The following HTR3B variants were observed in gnomAD, a reference collection of about 807,000 sequenced individuals.
HTR3B encodes 5-hydroxytryptamine receptor 3B, also known as 5-hydroxytryptamine (serotonin) receptor 3B, ionotropic.
Under a neutral mutation model 42.8 loss-of-function variants are expected in HTR3B, and 44 were observed. The ratio of observed to expected loss-of-function variants is 1.03; its 90% confidence interval spans 0.81 to 1.32. HTR3B has a LOEUF of 1.32. Ranked by LOEUF, HTR3B falls within the 40% of genes most tolerant of loss-of-function variation. The pLI is 0.00. For missense variants in HTR3B, 527 were observed against 536.5 expected, an observed-to-expected ratio of 0.98 and a Z score of 0.17; for synonymous variants, 203 against 209.0, an observed-to-expected ratio of 0.97 and a Z score of 0.25.
In HTR3B at chr11:113,947,109, C is replaced by CTTT. The variant is rs538527578; in HGVS notation, c.*983_*985dup. 6.9e-6 allele frequency among the ~76,000 whole-genome samples: 1 copy of CTTT among 145,378 alleles called. No homozygotes were observed. The highest frequency in any genetic ancestry group is 2.5e-5 in the African/African-American group (1 of 39,898). Reference sequence around the variant, plus strand: ...GGAGAGAACCCAGGTGCCAAGGCTTCTTTTTTTTTTTTTGAGGCAGAGTCT... The same window carrying CTTT: ...GGAGAGAACCCAGGTGCCAAGGCTTCTTTTTTTTTTTTTTTTGAGGCAGAGTCT... On this transcript the variant is annotated 3_prime_UTR_variant, in exon 9 of 9. Transcript: ENST00000260191.
At chr11:113,900,003 A>T (rs1443469967), upstream of HTR3B, among the ~76,000 whole-genome samples, 1 of 152,194 alleles carries the variant, frequency 6.6e-6, no homozygotes, top group African/African-American at 2.4e-5. Context: ...GAGGTGGCTT[A>T]CACCTGTAAT....
intron 1 of HTR3B, among the ~76,000 whole-genome samples, chr11:113,908,824 T>G (rs1307249211): frequency 1.3e-5 from 2 of 152,114 alleles, no homozygotes; most frequent in Non-Finnish European, 2.9e-5. Flanking sequence ...TCTATACAAG[T>G]TTTTTGGGTT....
intron 2 of HTR3B, 41 bp downstream of exon 2, chr11:113,909,496 T>C: frequency 6.4e-7 from 1 of 1,556,962 alleles, no homozygotes; most frequent in Non-Finnish European, 8.8e-7. Context: ...GTTAACGTCT[T>C]TTGAAACAGT....
intron 2 of HTR3B, among the ~76,000 whole-genome samples, chr11:113,926,928 A>G (rs1949981678): frequency 6.6e-6 from 1 of 152,216 alleles, no homozygotes; most frequent in Non-Finnish European, 1.5e-5. Context: ...GTTATTGTCT[A>G]TCTTTTTAAT....
At chr11:113,916,258 G>A (rs374977932) in intron 2 of HTR3B, among the ~76,000 whole-genome samples, 1 of 152,026 alleles carries the variant, frequency 6.6e-6, no homozygotes, top group South Asian at 2.1e-4. Flanking sequence ...TTTGCCAATT[G>A]CCAACTGTAT....
intron 6 of HTR3B, among the ~76,000 whole-genome samples, chr11:113,936,669 C>T (rs912835544): frequency 1.4e-4 from 21 of 152,118 alleles, no homozygotes; most frequent in African/African-American, 5.1e-4. Context: ...TAGTCTAGAT[C>T]CAAGTAACTC....
chr11:113,945,813 TG>T, intron 8 of HTR3B, 88 bp from the exon 9 acceptor site: 1 of 917,998 alleles, frequency 1.1e-6, no homozygotes, highest in Non-Finnish European at 1.7e-6. Context: ...CAACTTTCCT[TG>T]AAGGATGAGG....
chr11:113,935,501 G>A (rs756345955), intron 6 of HTR3B, among the ~76,000 whole-genome samples: 9 of 130,592 alleles, frequency 6.9e-5, no homozygotes, highest in Non-Finnish European at 1.4e-4. Context: ...GAGCAATTCT[G>A]CAGCTTTAGA....
At chr11:113,924,874 T>G (rs45595932) in intron 2 of HTR3B, among the ~76,000 whole-genome samples, 9,754 of 152,238 alleles carry the variant, frequency 0.064, 380 homozygotes, top group African/African-American at 0.093. Context: ...TAGAACAAGT[T>G]CACTCAGACC....
rs979785302 is a variant in HTR3B, at chr11:113,948,537, G to T, written c.*2400G>T. ...TCTACCCCTATCAAAGAGTTATGAG[G>T]ATCAAAATGAAAAAATGTATTGAAC... On this transcript the variant is annotated 3_prime_UTR_variant, in exon 9 of 9. Coordinates refer to ENST00000260191, the MANE Select transcript of HTR3B (RefSeq NM_006028.5). Among the ~76,000 whole-genome samples the T allele has an allele frequency of 3.3e-5, 5 of 152,166 alleles. No homozygotes were observed. The highest frequency in any genetic ancestry group is 4.8e-5 in the African/African-American group (2 of 41,436).
chr11:113,918,577 G>T (rs1176756), intron 2 of HTR3B, among the ~76,000 whole-genome samples: 1 of 149,806 alleles, frequency 6.7e-6, no homozygotes, highest in Non-Finnish European at 1.5e-5. Context: ...TGTTGTGAAC[G>T]CCAATAGTTC....
intron 6 of HTR3B, among the ~76,000 whole-genome samples, chr11:113,936,561 G>C (rs1158721920): frequency 6.6e-6 from 1 of 151,990 alleles, no homozygotes; most frequent in Admixed American, 6.6e-5. Flanking sequence ...GAGAGAGAGA[G>C]AAAGAGAGAG....
chr11:113,905,920 C>T (rs1009764190), intron 1 of HTR3B, among the ~76,000 whole-genome samples: 1 of 151,902 alleles, frequency 6.6e-6, no homozygotes, highest in African/African-American at 2.4e-5. Context: ...GGATGTTGAA[C>T]ATAAAGGATA....
chr11:113,928,675 T>C (rs1298556431), intron 2 of HTR3B, among the ~76,000 whole-genome samples: 1 of 152,162 alleles, frequency 6.6e-6, no homozygotes, highest in Non-Finnish European at 1.5e-5. Flanking sequence ...TAGCTGGGAT[T>C]ACAGGTGTGC....
At chr11:113,938,283 A>G (rs952611213) in intron 6 of HTR3B, among the ~76,000 whole-genome samples, 3 of 152,148 alleles carry the variant, frequency 2.0e-5, no homozygotes, top group Non-Finnish European at 4.4e-5. Flanking sequence ...CCATGTGCAA[A>G]TTCATTCAGC....
At chr11:113,945,360 C>T (rs1950168575) in intron 8 of HTR3B, among the ~76,000 whole-genome samples, 1 of 152,196 alleles carries the variant, frequency 6.6e-6, no homozygotes, top group South Asian at 2.1e-4. Context: ...GTCTCGAACT[C>T]CTGACCTCAG....
At chr11:113,942,440 C>G (rs956792277) in intron 6 of HTR3B, among the ~76,000 whole-genome samples, 10 of 152,204 alleles carry the variant, frequency 6.6e-5, no homozygotes, top group African/African-American at 2.4e-4. Context: ...GCCTGGGCAA[C>G]AAGAGCGAAA....
the HTR3B span, among the ~76,000 whole-genome samples, chr11:113,898,961 A>T: frequency 6.6e-6 from 1 of 152,184 alleles, no homozygotes; most frequent in Non-Finnish European, 1.5e-5. Context: ...GCAGCCGTAG[A>T]AAACTAACTC....
intron 6 of HTR3B, 24 bp downstream of exon 6, chr11:113,933,117 C>T (rs373636555): frequency 2.1e-5 from 34 of 1,602,190 alleles, no homozygotes; most frequent in East Asian, 4.5e-5. Context: ...TACCTGTCCC[C>T]GTTGCCCGCT....
Sources: gnomAD v4.1 joint callset for allele counts (sites outside exome capture counted in the v4.1 genomes callset) on GRCh38, gnomAD v4.1.1 for gene constraint, MANE v1.5 for transcripts, NCBI Gene and HGNC (gene_info 2026-07-23, HGNC 2026-07-21) for gene names.